The following SHTN1 variants were observed in gnomAD, a reference collection of about 807,000 sequenced individuals.
SHTN1 encodes the protein shootin 1.
In SHTN1, 42 loss-of-function variants were observed where a neutral mutation model predicts 83.1. The observed-to-expected ratio is 0.51, with a 90% CI of 0.39 to 0.65. SHTN1 has a LOEUF of 0.65. SHTN1 is among the 30% of genes least tolerant of loss of function. The pLI is 0.00. For synonymous variants in SHTN1, 224 were observed against 247.7 expected (o/e 0.90, Z 0.90); for missense variants, 622 against 737.8 (o/e 0.84, Z 1.82).
chr10:116,996,279 C>G (rs1851623021), intron 1 of SHTN1, among the ~76,000 whole-genome samples: 1 of 152,110 alleles, frequency 6.6e-6, no homozygotes, highest in Non-Finnish European at 1.5e-5. Flanking sequence ...GGAATGGATC[C>G]TAAATTCTTT....
At chr10:116,975,270 G>A (rs917833006) in intron 2 of SHTN1, among the ~76,000 whole-genome samples, 1 of 152,092 alleles carries the variant, frequency 6.6e-6, no homozygotes, top group Non-Finnish European at 1.5e-5. Context: ...ATATGCAGAT[G>A]TCTTATTACC....
chr10:117,064,218 G>A (rs1036884969), intron 1 of SHTN1, among the ~76,000 whole-genome samples: 13 of 152,282 alleles, frequency 8.5e-5, no homozygotes, highest in African/African-American at 3.1e-4. Flanking sequence ...CCATGAGTTT[G>A]CTGTGGCTAC....
At chr10:117,033,989 A>G (rs1589904593) in intron 2 of SHTN1, among the ~76,000 whole-genome samples, 2 of 152,370 alleles carry the variant, frequency 1.3e-5, no homozygotes, top group Middle Eastern at 6.8e-3. Context: ...CTTCATGAGA[A>G]AAACTCTAAA....
At chr10:116,967,473 T>C (rs1022249287) in intron 3 of SHTN1, among the ~76,000 whole-genome samples, 2 of 152,320 alleles carry the variant, frequency 1.3e-5, no homozygotes, top group South Asian at 4.1e-4. Context: ...GCCATACATA[T>C]TTCATGCATA....
chr10:117,010,839 T>G (rs748588147), intron 2 of SHTN1, among the ~76,000 whole-genome samples: 9 of 152,142 alleles, frequency 5.9e-5, no homozygotes, highest in Non-Finnish European at 1.2e-4. Flanking sequence ...ATCATCTCAA[T>G]TGAGACAGAA....
At chr10:117,041,318 G>T (rs1852581236) in intron 2 of SHTN1, among the ~76,000 whole-genome samples, 1 of 152,126 alleles carries the variant, frequency 6.6e-6, no homozygotes, top group South Asian at 2.1e-4. Flanking sequence ...TCAACAGAAA[G>T]TTGGGTTTTT....
chr10:116,955,873 CACATT>C (rs1849963032), intron 4 of SHTN1, among the ~76,000 whole-genome samples: 1 of 152,188 alleles, frequency 6.6e-6, no homozygotes, highest in Admixed American at 6.5e-5. Context: ...TCTGTCTGCA[CACATT>C]ACATTAGGAG....
chr10:117,010,949 A>G (rs1246445972), intron 2 of SHTN1, among the ~76,000 whole-genome samples: 1 of 152,250 alleles, frequency 6.6e-6, no homozygotes, highest in Non-Finnish European at 1.5e-5. Flanking sequence ...ATCTGTAAAG[A>G]AGCCACAGCT....
chr10:116,932,785 A>T (rs1849018032), intron 9 of SHTN1, among the ~76,000 whole-genome samples: 1 of 152,204 alleles, frequency 6.6e-6, no homozygotes, highest in South Asian at 2.1e-4. Flanking sequence ...AGAGTATAAC[A>T]GTTTTAGAAG....
At chr10:117,060,510 C>T (rs1388618133) in intron 1 of SHTN1, among the ~76,000 whole-genome samples, 1 of 152,078 alleles carries the variant, frequency 6.6e-6, no homozygotes, top group Non-Finnish European at 1.5e-5. Context: ...CATGGCAAGG[C>T]ATAAGTAATT....
chr10:116,891,638 T>A (rs1345392635), intron 16 of SHTN1, among the ~76,000 whole-genome samples: 1 of 152,242 alleles, frequency 6.6e-6, no homozygotes, highest in Non-Finnish European at 1.5e-5. Context: ...TTTATACAGT[T>A]ACTGCAGTGA....
chr10:117,033,411 A>AT (rs1462027587), intron 2 of SHTN1, among the ~76,000 whole-genome samples: 1 of 152,200 alleles, frequency 6.6e-6, no homozygotes, highest in Non-Finnish European at 1.5e-5. Flanking sequence ...ACTACATGCC[A>AT]GTAAATTGGA....
chr10:116,973,004 T>C (rs181830244), intron 2 of SHTN1, among the ~76,000 whole-genome samples: 1 of 152,320 alleles, frequency 6.6e-6, no homozygotes, highest in Admixed American at 6.5e-5. Flanking sequence ...TTTCTGAGCA[T>C]TGGCAGACTG....
chr10:117,032,222 G>A (rs1852426953), intron 2 of SHTN1, among the ~76,000 whole-genome samples: 1 of 151,344 alleles, frequency 6.6e-6, no homozygotes, highest in Non-Finnish European at 1.5e-5. Context: ...TTTTCTTTTT[G>A]AGACTGAGTC....
intron 14 of SHTN1, among the ~76,000 whole-genome samples, chr10:116,910,107 C>T (rs538713482): frequency 9.9e-5 from 15 of 152,080 alleles, no homozygotes; most frequent in Non-Finnish European, 1.8e-4. Context: ...TTTTATCTTT[C>T]TTATAAGAAT....
At chr10:117,071,769 T>C (rs1242084927) in intron 1 of SHTN1, among the ~76,000 whole-genome samples, 3 of 152,192 alleles carry the variant, frequency 2.0e-5, no homozygotes, top group African/African-American at 7.2e-5. Flanking sequence ...CTGGGTGCGG[T>C]GGCTCATGCC....
At chr10:116,949,634 T>C (rs1043772387) in intron 6 of SHTN1, among the ~76,000 whole-genome samples, 1 of 152,212 alleles carries the variant, frequency 6.6e-6, no homozygotes, top group Non-Finnish European at 1.5e-5. Context: ...CTGCACATTG[T>C]GCACATGTGC....
intron 6 of SHTN1, among the ~76,000 whole-genome samples, chr10:116,949,409 C>T (rs1304632643): frequency 2.0e-5 from 3 of 152,090 alleles, no homozygotes; most frequent in Non-Finnish European, 2.9e-5. Context: ...GGATTACAGG[C>T]GTGAGCCACC....
intron 2 of SHTN1, among the ~76,000 whole-genome samples, chr10:117,044,934 T>C (rs2133583499): frequency 6.6e-6 from 1 of 152,342 alleles, no homozygotes; most frequent in East Asian, 1.9e-4. Flanking sequence ...AGTTTCTTAA[T>C]ACTTTAACAG....
Sources: allele counts gnomAD v4.1 joint callset (sites outside exome capture counted in the v4.1 genomes callset), GRCh38; gene constraint gnomAD v4.1.1; transcripts MANE v1.5; gene names NCBI Gene and HGNC (gene_info 2026-07-23, HGNC 2026-07-21).